The following UNC5C variants were observed in gnomAD, a reference collection of about 807,000 sequenced individuals.
The protein encoded by UNC5C is unc-5 netrin receptor C.
Under a neutral mutation model 99.8 loss-of-function variants are expected in UNC5C, and 47 were observed. The ratio of observed to expected loss-of-function variants is 0.47; its 90% CI spans 0.37 to 0.60. The LOEUF is 0.60. Among genes scored for constraint, UNC5C ranks in the 20% least tolerant of loss-of-function variants. UNC5C has a pLI of 0.00. For missense variants in UNC5C, 1,062 were observed against 1,165.9 expected (o/e 0.91, Z 1.30); for synonymous variants, 487 against 452.2 (o/e 1.08, Z -0.98).
chr4:95,190,377 T>C (rs935940086), intron 12 of UNC5C, among the ~76,000 whole-genome samples: 1 of 152,042 alleles, frequency 6.6e-6, no homozygotes, highest in African/African-American at 2.4e-5. Flanking sequence ...CATTAGGAGA[T>C]ATACCTAATG....
chr4:95,213,899 G>A (rs1008066612), intron 10 of UNC5C, among the ~76,000 whole-genome samples: 1 of 152,190 alleles, frequency 6.6e-6, no homozygotes, highest in African/African-American at 2.4e-5. Flanking sequence ...GTGCATTGGT[G>A]CAATGGAGGA....
intron 14 of UNC5C, among the ~76,000 whole-genome samples, chr4:95,174,311 C>G (rs374651655): frequency 1.3e-5 from 2 of 151,888 alleles, no homozygotes; most frequent in African/African-American, 2.4e-5. Context: ...TCTTGCTTTT[C>G]TAGTTCTTTT....
At chr4:95,453,246 AACAG>A (rs1198819270) in intron 1 of UNC5C, among the ~76,000 whole-genome samples, 1 of 152,146 alleles carries the variant, frequency 6.6e-6, no homozygotes, top group Non-Finnish European at 1.5e-5. Flanking sequence ...AGTGAAAGAA[AACAG>A]ACAGATCAAA....
At chr4:95,206,845 T>G in intron 10 of UNC5C, 49 bp from the exon 11 acceptor site, 1 of 1,455,264 alleles carries the variant, frequency 6.9e-7, no homozygotes, top group Non-Finnish European at 9.1e-7. Context: ...ATTGTATTCA[T>G]GAACTATGCA....
At chr4:95,208,627 G>C (rs1737964590) in intron 10 of UNC5C, among the ~76,000 whole-genome samples, 1 of 152,154 alleles carries the variant, frequency 6.6e-6, no homozygotes, top group Non-Finnish European at 1.5e-5. Context: ...CACAAGAACA[G>C]GGCAAGGGCA....
intron 1 of UNC5C, among the ~76,000 whole-genome samples, chr4:95,343,961 G>A (rs1046705227): frequency 4.0e-5 from 6 of 151,894 alleles, no homozygotes; most frequent in Non-Finnish European, 7.4e-5. Context: ...AGCCTCAAAG[G>A]GACAAATCTA....
At chr4:95,170,470 T>C in intron 14 of UNC5C, 138 bp from the exon 15 acceptor site, 1 of 1,058,264 alleles carries the variant, frequency 9.4e-7, no homozygotes. Flanking sequence ...AAGAATGGCT[T>C]CTTCTTAGCC....
intron 2 of UNC5C, among the ~76,000 whole-genome samples, chr4:95,318,959 TC>T (rs963872084): frequency 2.2e-4 from 34 of 152,154 alleles, no homozygotes; most frequent in African/African-American, 7.5e-4. Flanking sequence ...ATACTCGTTT[TC>T]CCCCATCTCT....
At chr4:95,420,747 T>C (rs1746296196) in intron 1 of UNC5C, among the ~76,000 whole-genome samples, 1 of 152,022 alleles carries the variant, frequency 6.6e-6, no homozygotes, top group Admixed American at 6.6e-5. Flanking sequence ...GTGGGTGACA[T>C]GGAAAAGATA....
intron 1 of UNC5C, among the ~76,000 whole-genome samples, chr4:95,425,230 T>C (rs1364886990): frequency 6.6e-6 from 1 of 152,244 alleles, no homozygotes; most frequent in East Asian, 1.9e-4. Context: ...AGTGATTTTC[T>C]ACACAAATTC....
chr4:95,406,790 G>C (rs956502645), intron 1 of UNC5C, among the ~76,000 whole-genome samples: 4 of 152,074 alleles, frequency 2.6e-5, no homozygotes, highest in Non-Finnish European at 5.9e-5. Context: ...CAAATCTTAA[G>C]GTTTCAAAAT....
At chr4:95,195,679 C>T (rs1412105333) in intron 12 of UNC5C, among the ~76,000 whole-genome samples, 1 of 152,170 alleles carries the variant, frequency 6.6e-6, no homozygotes, top group Admixed American at 6.5e-5. Flanking sequence ...TAACAAGCCA[C>T]GTCTGACTGT....
intron 2 of UNC5C, among the ~76,000 whole-genome samples, chr4:95,327,060 G>A (rs1742916011): frequency 1.3e-5 from 2 of 152,006 alleles, no homozygotes; most frequent in African/African-American, 4.8e-5. Context: ...TTTGAAATAC[G>A]TTTCAAGACT....
intron 11 of UNC5C, among the ~76,000 whole-genome samples, chr4:95,205,522 T>G (rs1737844281): frequency 6.6e-6 from 1 of 152,142 alleles, no homozygotes; most frequent in Admixed American, 6.6e-5. Context: ...AATACTATAT[T>G]TTCTTAAAAT....
chr4:95,462,569 G>A (rs543236287), intron 1 of UNC5C, among the ~76,000 whole-genome samples: 16 of 152,244 alleles, frequency 1.1e-4, no homozygotes, highest in Non-Finnish European at 2.1e-4. Context: ...ACATACAGGA[G>A]GTAATTCGGT....
At chr4:95,334,050 T>C (rs1743231119) in intron 2 of UNC5C, among the ~76,000 whole-genome samples, 1 of 152,028 alleles carries the variant, frequency 6.6e-6, no homozygotes, top group South Asian at 2.1e-4. Flanking sequence ...TCAGTGAGCA[T>C]ATTGATTCAC....
At chr4:95,311,684 T>C (rs34023736) in intron 2 of UNC5C, among the ~76,000 whole-genome samples, 17,874 of 152,196 alleles carry the variant, frequency 0.12, 1,440 homozygotes, top group South Asian at 0.23. Flanking sequence ...TCAATAGATA[T>C]TTCTTGAGAC....
chr4:95,487,124 A>G (rs1023695210), intron 1 of UNC5C, among the ~76,000 whole-genome samples: 2 of 151,712 alleles, frequency 1.3e-5, no homozygotes, highest in Non-Finnish European at 2.9e-5. Context: ...CATGTTCACT[A>G]TAAATTACCC....
At chr4:95,251,465 T>C (rs1739727591) in intron 4 of UNC5C, among the ~76,000 whole-genome samples, 1 of 152,206 alleles carries the variant, frequency 6.6e-6, no homozygotes, top group Non-Finnish European at 1.5e-5. Flanking sequence ...TCTATGTGAA[T>C]AATATTAATG....
Sources: allele counts gnomAD v4.1 joint callset (sites outside exome capture counted in the v4.1 genomes callset), GRCh38; gene constraint gnomAD v4.1.1; transcripts MANE v1.5; gene names NCBI Gene and HGNC (gene_info 2026-07-23, HGNC 2026-07-21).